FSD1L: variants seen among roughly 807,000 people sequenced by gnomAD.
The protein encoded by FSD1L is fibronectin type III and SPRY domain containing 1 like.
Under a neutral mutation model 71.6 loss-of-function variants are expected in FSD1L, and 45 were observed. That is an observed-to-expected ratio of 0.63 (90% CI 0.49 to 0.81). FSD1L has a LOEUF of 0.81. Ranked by LOEUF, FSD1L falls within the 30% of genes least tolerant of loss-of-function variation. The pLI is 0.00. For synonymous variants in FSD1L, 197 were observed against 207.2 expected (o/e 0.95, Z 0.42); for missense variants, 561 against 618.1 (o/e 0.91, Z 0.98).
chr9:105,459,407 G>A (rs1428361441), intron 1 of FSD1L, among the ~76,000 whole-genome samples: 2 of 152,198 alleles, frequency 1.3e-5, no homozygotes, highest in East Asian at 3.8e-4. Context: ...GGTCAGAAAG[G>A]TTGAAGCCTT....
intron 10 of FSD1L, among the ~76,000 whole-genome samples, chr9:105,529,578 C>T (rs753336799): frequency 7.9e-5 from 12 of 151,760 alleles, no homozygotes; most frequent in Non-Finnish European, 1.5e-4. Flanking sequence ...ACAATGAGAA[C>T]GCGTGGACAC....
intron 10 of FSD1L, chr9:105,526,218 T>C (rs928275280): frequency 1.9e-6 from 3 of 1,598,338 alleles, no homozygotes; most frequent in Non-Finnish European, 2.6e-6. Context: ...TTCCATTGTA[T>C]CAAAACTTCT....
intron 8 of FSD1L, among the ~76,000 whole-genome samples, chr9:105,507,527 G>A (rs964750497): frequency 2.6e-5 from 4 of 152,126 alleles, no homozygotes; most frequent in African/African-American, 9.7e-5. Flanking sequence ...TCTACAGCTA[G>A]AAAACAGGCT....
At chr9:105,446,516 C>T (rs1392677241), upstream of FSD1L, among the ~76,000 whole-genome samples, 5 of 151,954 alleles carry the variant, frequency 3.3e-5, no homozygotes, top group Admixed American at 3.3e-4. Flanking sequence ...AGGCTTGCAG[C>T]ACCACGTCTG....
chr9:105,479,479 A>G, intron 6 of FSD1L, 103 bp downstream of exon 6: 1 of 931,010 alleles, frequency 1.1e-6, no homozygotes. Flanking sequence ...AGATAAAAGT[A>G]CCCAATGACC....
chr9:105,532,644 A>C (rs1835968337), intron 10 of FSD1L, among the ~76,000 whole-genome samples: 1 of 152,204 alleles, frequency 6.6e-6, no homozygotes, highest in African/African-American at 2.4e-5. Flanking sequence ...AGTTTCACAG[A>C]AATTTTAATC....
At position 105,528,173 on chromosome 9, in the gene FSD1L, C is replaced by T. The variant is rs528258573; in HGVS notation, c.1026-6320C>T. ...AACAAATGGAAAAACATTCCATGCT[C>T]ATGGATAGGAATAATCAATATCGTG... is the stretch of plus-strand genomic sequence containing the variant. On this transcript the variant is annotated intron_variant, in intron 10 of 13. Transcript: ENST00000481272. 5.0e-3 allele frequency among the ~76,000 whole-genome samples: 759 copies of T among 152,266 alleles called. 9 individuals are homozygous for T. Among genetic ancestry groups the T allele is most frequent in the African/African-American group, 0.017 (713 of 41,558 alleles).
intron 7 of FSD1L, among the ~76,000 whole-genome samples, chr9:105,502,054 A>C (rs762873908): frequency 1.3e-5 from 2 of 151,916 alleles, no homozygotes; most frequent in African/African-American, 4.8e-5. Flanking sequence ...ATATATTTTT[A>C]TATACTAACA....
chr9:105,520,563 G>A lies in FSD1L; in HGVS notation c.1025+7627G>A, dbSNP rs1251027361. ...TTCCAGAAAGAATTCATCAGCCATGGCAGTTTCATAATATTGGATTGATTT... is the reference window on the plus strand; with the variant it reads ...TTCCAGAAAGAATTCATCAGCCATGACAGTTTCATAATATTGGATTGATTT... On this transcript the variant is annotated intron_variant, in intron 10 of 13. Coordinates refer to ENST00000481272, the MANE Select transcript of FSD1L (RefSeq NM_001145313.3). 16 of 1,307,738 alleles carry A rather than the reference G, an allele frequency of 1.2e-5. No individual in the cohort carries two copies. The Admixed American group carries it at 2.7e-4, about 22-fold the overall frequency. 81.0% of individuals were successfully genotyped at this position (1,307,738 alleles called of 1,614,324 possible). A position where few individuals can be genotyped will look rare whatever the true frequency, so the allele number is the denominator to read the frequency against.
chr9:105,494,981 C>T (rs1051968715), intron 7 of FSD1L, among the ~76,000 whole-genome samples: 1 of 152,172 alleles, frequency 6.6e-6, no homozygotes, highest in Non-Finnish European at 1.5e-5. Context: ...AGGCTGTCTG[C>T]CTGTTCTCAG....
chr9:105,501,743 GC>G (rs887049588), intron 7 of FSD1L, among the ~76,000 whole-genome samples: 6 of 151,750 alleles, frequency 4.0e-5, no homozygotes, highest in African/African-American at 1.5e-4. Flanking sequence ...CATCATTTCC[GC>G]GTTTACATCT....
intron 13 of FSD1L, among the ~76,000 whole-genome samples, chr9:105,539,789 C>G (rs1331070781): frequency 2.6e-5 from 4 of 152,090 alleles, no homozygotes; most frequent in Non-Finnish European, 4.4e-5. Context: ...CAACATTATG[C>G]TTGTGAGATT....
At chr9:105,481,126 G>A (rs1832146551) in intron 6 of FSD1L, among the ~76,000 whole-genome samples, 1 of 125,412 alleles carries the variant, frequency 8.0e-6, no homozygotes, top group Admixed American at 8.7e-5. Context: ...TCAGGAATTA[G>A]GGTTCAGGCA....
chr9:105,533,419 T>G (rs1395712927), intron 10 of FSD1L, among the ~76,000 whole-genome samples: 1 of 83,290 alleles, frequency 1.2e-5, no homozygotes, highest in Non-Finnish European at 2.3e-5. Context: ...TTTCCATCTT[T>G]TTTTTTTTTT....
chr9:105,475,078 CCTGCAGAACA>C (rs754862476), intron 5 of FSD1L, among the ~76,000 whole-genome samples: 8 of 152,168 alleles, frequency 5.3e-5, no homozygotes, highest in Non-Finnish European at 1.2e-4. Context: ...TAATAGCTGG[CCTGCAGAACA>C]CTGCTTGGAT....
chr9:105,512,776 T>A (rs961871783), intron 9 of FSD1L, 31 bp from the exon 10 acceptor site: 1 of 1,276,016 alleles, frequency 7.8e-7, no homozygotes, highest in Non-Finnish European at 1.1e-6. Context: ...TGCTATATTT[T>A]AAAAATATAT....
intron 5 of FSD1L, 191 bp downstream of exon 5, chr9:105,472,196 T>A (rs1166968758): frequency 1.8e-5 from 11 of 595,504 alleles, no homozygotes; most frequent in Non-Finnish European, 2.8e-5. Flanking sequence ...GTCTTTAGGG[T>A]CATCAACAAA....
intron 10 of FSD1L, among the ~76,000 whole-genome samples, chr9:105,529,451 G>A (rs1835751480): frequency 6.6e-6 from 1 of 152,114 alleles, no homozygotes; most frequent in African/African-American, 2.4e-5. Context: ...CCATAAAAAA[G>A]GATGAGTTCA....
chr9:105,454,576 A>T (rs1226216609), intron 1 of FSD1L, among the ~76,000 whole-genome samples: 1 of 152,186 alleles, frequency 6.6e-6, no homozygotes, highest in Non-Finnish European at 1.5e-5. Flanking sequence ...CTCCACTCCA[A>T]TGCCACCTTC....
Sources: gnomAD v4.1 joint callset for allele counts (sites outside exome capture counted in the v4.1 genomes callset) on GRCh38, gnomAD v4.1.1 for gene constraint, MANE v1.5 for transcripts, NCBI Gene and HGNC (gene_info 2026-07-23, HGNC 2026-07-21) for gene names.